The following DLGAP2 variants were observed in gnomAD, a reference collection of about 807,000 sequenced individuals.
The protein encoded by DLGAP2 is DLG associated protein 2.
DLGAP2 carries 26 observed loss-of-function variants against 100.3 expected under a neutral mutation model. The ratio of observed to expected loss-of-function variants is 0.26; its 90% CI spans 0.19 to 0.36. The LOEUF (loss-of-function observed/expected upper bound fraction) is 0.36, where lower values mean the gene tolerates loss of function less well. Ranked by LOEUF, DLGAP2 falls within the 10% of genes least tolerant of loss-of-function variation. DLGAP2 has a pLI of 1.00. For synonymous variants in DLGAP2, 886 were observed against 630.1 expected (o/e 1.41, Z -6.08); for missense variants, 1,858 against 1,453.2 (o/e 1.28, Z -4.53).
chr8:1,122,401 T>C lies in DLGAP2; in HGVS notation c.74-136450T>C, dbSNP rs1439275338. Among the ~76,000 whole-genome samples, 3 of 152,196 alleles carry C rather than the reference T, an allele frequency of 2.0e-5. No individual in the cohort carries two copies. In the East Asian group the frequency reaches 5.8e-4, roughly 29 times the overall value. On this transcript the variant is annotated intron_variant, in intron 2 of 14. Coordinates refer to ENST00000637795, the MANE Select transcript of DLGAP2 (RefSeq NM_001346810.2). ...GGCTGATCTTTACCAATGGGCTGTT[T>C]AAATGTGCAGCTGAGGAGGATTCCT... is the stretch of plus-strand genomic sequence containing the variant.
At chr8:1,277,225 C>A (rs1474712981) in intron 3 of DLGAP2, among the ~76,000 whole-genome samples, 3 of 152,044 alleles carry the variant, frequency 2.0e-5, no homozygotes, top group Non-Finnish European at 4.4e-5. Context: ...CCAGGAGTGA[C>A]TTATAACATG....
chr8:1,079,032 A>T (rs747218216), intron 2 of DLGAP2, among the ~76,000 whole-genome samples: 3 of 152,190 alleles, frequency 2.0e-5, no homozygotes, highest in Non-Finnish European at 4.4e-5. Context: ...CAGGGAGGAG[A>T]GTTCCTGTTG....
chr8:1,195,648 T>G (rs1014711270), intron 2 of DLGAP2, among the ~76,000 whole-genome samples: 1 of 152,166 alleles, frequency 6.6e-6, no homozygotes, highest in African/African-American at 2.4e-5. Flanking sequence ...AAAATTATCT[T>G]CCAAAGGATT....
rs150224284 is a variant in DLGAP2, at chr8:1,475,587, C to G, written c.107-25779C>G. 3.0e-4 allele frequency among the ~76,000 whole-genome samples: 46 copies of G among 152,244 alleles called. No homozygotes were observed. The Middle Eastern group carries it at 0.024, about 79-fold the overall frequency. On this transcript the variant is annotated intron_variant, in intron 3 of 14. Transcript: ENST00000637795. The stretch of plus-strand genomic sequence containing the variant: ...ACGTCTTCCATACTGGGTCAGGTCA[C>G]CACCCTAAAGCCCTACAAAGTCGTT...
At chr8:891,071 T>C (rs1480917005) in intron 1 of DLGAP2, among the ~76,000 whole-genome samples, 2 of 151,052 alleles carry the variant, frequency 1.3e-5, no homozygotes, top group Non-Finnish European at 2.9e-5. Flanking sequence ...CTCTTCTGGC[T>C]CCCCCTCCCT....
chr8:1,289,505 C>A (rs73170421), intron 3 of DLGAP2, among the ~76,000 whole-genome samples: 3 of 152,116 alleles, frequency 2.0e-5, no homozygotes, highest in African/African-American at 7.2e-5. Flanking sequence ...GACTCACGTG[C>A]GGGGATAGAG....
chr8:760,046 T>C (rs1821041289), intron 1 of DLGAP2, among the ~76,000 whole-genome samples: 1 of 152,218 alleles, frequency 6.6e-6, no homozygotes, highest in Non-Finnish European at 1.5e-5. Flanking sequence ...AGCCGAACAT[T>C]GCAAATACAT....
At chr8:1,359,900 T>C (rs1194001671) in intron 3 of DLGAP2, among the ~76,000 whole-genome samples, 1 of 152,234 alleles carries the variant, frequency 6.6e-6, no homozygotes, top group Non-Finnish European at 1.5e-5. Flanking sequence ...GAAAATCTCT[T>C]GGAATTTTGC....
chr8:1,701,306 T>C lies in DLGAP2; in HGVS notation c.3068T>C (p.Leu1023Pro). The change falls in exon 15 of 15, where the codon CTC (leucine) becomes CCC (proline). Residue 1023 changes from leucine (L) to proline (P), a missense_variant. Transcript: ENST00000637795. Reference sequence around the variant, plus strand: ...CAACGCCAGGAAGCCCGGAGGCGCCTCATGGCCGCCAAGCGAGCGGCGTCC... The same window carrying C: ...CAACGCCAGGAAGCCCGGAGGCGCCCCATGGCCGCCAAGCGAGCGGCGTCC... ...DRQRQEARRR[L>P]MAAKRAASFR... 6.3e-7 allele frequency: 1 copy of C among 1,586,422 alleles called. No homozygotes were observed. Among genetic ancestry groups the C allele is most frequent in the Non-Finnish European group, 8.6e-7 (1 of 1,167,122 alleles).
At chr8:1,253,096 C>T (rs1018290018) in intron 2 of DLGAP2, among the ~76,000 whole-genome samples, 3 of 152,210 alleles carry the variant, frequency 2.0e-5, no homozygotes, top group Admixed American at 6.5e-5. Flanking sequence ...CCTGTCCCCG[C>T]GTGGCTTCCT....
intron 8 of DLGAP2, among the ~76,000 whole-genome samples, chr8:1,641,910 CG>C (rs1337847964): frequency 8.1e-5 from 11 of 135,636 alleles, no homozygotes; most frequent in East Asian, 4.2e-4. Flanking sequence ...CCCTCGACCC[CG>C]CCGGCCCTCA....
chr8:1,570,558 T>A (rs151287312), intron 6 of DLGAP2, among the ~76,000 whole-genome samples: 17 of 152,352 alleles, frequency 1.1e-4, no homozygotes, highest in African/African-American at 4.1e-4. Context: ...GGATTTCACA[T>A]GTTCACCACA....
chr8:1,022,462 C>G (rs917362649), intron 2 of DLGAP2, among the ~76,000 whole-genome samples: 3 of 148,948 alleles, frequency 2.0e-5, no homozygotes, highest in African/African-American at 7.5e-5. Context: ...AAGGTAGACA[C>G]TCCAGCCGCC....
intron 2 of DLGAP2, among the ~76,000 whole-genome samples, chr8:1,001,193 C>A (rs896876967): frequency 2.0e-5 from 3 of 152,146 alleles, no homozygotes; most frequent in Non-Finnish European, 4.4e-5. Context: ...TTGGAGGAGA[C>A]TGGAGAGCTT....
At chr8:982,252 G>A (rs11137118) in intron 2 of DLGAP2, among the ~76,000 whole-genome samples, 12,568 of 152,330 alleles carry the variant, frequency 0.083, 606 homozygotes, top group Admixed American at 0.14. Context: ...TGCAAGACCC[G>A]TTAATGGATG....
At chr8:889,956 G>A (rs759793123) in intron 1 of DLGAP2, among the ~76,000 whole-genome samples, 4 of 152,106 alleles carry the variant, frequency 2.6e-5, no homozygotes, top group Non-Finnish European at 4.4e-5. Context: ...AGTTTCCCCC[G>A]CTGGGTAGTG....
chr8:1,188,993 C>T (rs541124287), intron 2 of DLGAP2, among the ~76,000 whole-genome samples: 2 of 149,880 alleles, frequency 1.3e-5, no homozygotes, highest in South Asian at 2.1e-4. Flanking sequence ...AGGCCGGTTC[C>T]GCGGTTGGGG....
At chr8:1,475,173 G>C (rs888555663) in intron 3 of DLGAP2, among the ~76,000 whole-genome samples, 1 of 152,118 alleles carries the variant, frequency 6.6e-6, no homozygotes, top group Non-Finnish European at 1.5e-5. Flanking sequence ...TTGGGCACAC[G>C]TGGACACAGA....
At chr8:975,342 C>G (rs1800135614) in intron 2 of DLGAP2, among the ~76,000 whole-genome samples, 1 of 152,150 alleles carries the variant, frequency 6.6e-6, no homozygotes, top group Admixed American at 6.5e-5. Context: ...CAGTACTCCA[C>G]AACCTATTCC....
Sources: gnomAD v4.1 joint callset for allele counts (sites outside exome capture counted in the v4.1 genomes callset) on GRCh38, gnomAD v4.1.1 for gene constraint, MANE v1.5 for transcripts, NCBI Gene and HGNC (gene_info 2026-07-23, HGNC 2026-07-21) for gene names.